AGBL3: variants seen among roughly 807,000 people sequenced by gnomAD.
AGBL3 encodes cytosolic carboxypeptidase 3.
Under a neutral mutation model 94.5 loss-of-function variants are expected in AGBL3, and 68 were observed. That is an observed-to-expected ratio of 0.72 (90% confidence interval 0.59 to 0.88). The LOEUF is 0.88. AGBL3 is among the 40% of genes least tolerant of loss of function. AGBL3 has a pLI of 0.00. For missense variants in AGBL3, 934 were observed against 1,103.8 expected, an observed-to-expected ratio of 0.85 and a Z score of 2.18; for synonymous variants, 354 against 370.7, an observed-to-expected ratio of 0.95 and a Z score of 0.52.
chr7:135,109,570 C>T (rs1825307110), intron 15 of AGBL3, among the ~76,000 whole-genome samples: 1 of 152,062 alleles, frequency 6.6e-6, no homozygotes, highest in African/African-American at 2.4e-5. Flanking sequence ...AAGGTACCAA[C>T]AATGAAGGTC....
intron 15 of AGBL3, among the ~76,000 whole-genome samples, chr7:135,086,017 G>T (rs149139122): frequency 6.6e-6 from 1 of 151,874 alleles, no homozygotes; most frequent in East Asian, 1.9e-4. Flanking sequence ...TTTTTCATCA[G>T]TGTTGTATAG....
chr7:135,082,008 C>T (rs1820960071), intron 15 of AGBL3, among the ~76,000 whole-genome samples: 1 of 152,158 alleles, frequency 6.6e-6, no homozygotes, highest in African/African-American at 2.4e-5. Context: ...CAGAGAGAAA[C>T]CTTGAGAATG....
At position 135,026,244 on chromosome 7, in the gene AGBL3, A is replaced by ATTTTATTTTATTTTATTTTATTTTAT. The variant is rs1554497686; in HGVS notation, c.419-6598_419-6597insTTATTTTATTTTATTTTATTTTATTT. Among the ~76,000 whole-genome samples the ATTTTATTTTATTTTATTTTATTTTAT allele has an allele frequency of 2.4e-3, 198 of 81,478 alleles. 5 individuals are homozygous for ATTTTATTTTATTTTATTTTATTTTAT. In the South Asian group the frequency reaches 0.028, roughly 12 times the overall value. 53.5% of individuals were successfully genotyped at this position (81,478 alleles called of 152,430 possible). On this transcript the variant is annotated intron_variant, in intron 5 of 16. Transcript: ENST00000436302. ...TGCAATAAAAATAGAAATGAATACC[A>ATTTTATTTTATTTTATTTTATTTTAT]TTATTTTATTTTATTTTATTTTATT...
chr7:135,087,978 T>A (rs1821462661), intron 15 of AGBL3, among the ~76,000 whole-genome samples: 1 of 152,114 alleles, frequency 6.6e-6, no homozygotes, highest in African/African-American at 2.4e-5. Flanking sequence ...TAATAATATT[T>A]GCTTTATGTT....
intron 16 of AGBL3, among the ~76,000 whole-genome samples, chr7:135,133,091 ACACACAC>A (rs1829018537): frequency 7.8e-6 from 1 of 127,692 alleles, no homozygotes; most frequent in Non-Finnish European, 1.7e-5. Flanking sequence ...ACACACACAC[ACACACAC>A]AACCTTTAGA....
At chr7:135,084,410 T>G (rs1821168931) in intron 15 of AGBL3, among the ~76,000 whole-genome samples, 1 of 152,150 alleles carries the variant, frequency 6.6e-6, no homozygotes, top group Non-Finnish European at 1.5e-5. Context: ...ATACTCACCC[T>G]ATAGTTCTAT....
chr7:135,067,259 C>T (rs533607729), intron 12 of AGBL3, among the ~76,000 whole-genome samples: 1 of 152,338 alleles, frequency 6.6e-6, no homozygotes, highest in Admixed American at 6.5e-5. Flanking sequence ...TGGGTTGAGC[C>T]CACCGCAGCT....
chr7:135,025,605 T>C (rs1469813235), intron 5 of AGBL3, among the ~76,000 whole-genome samples: 10 of 151,548 alleles, frequency 6.6e-5, no homozygotes, highest in Admixed American at 5.9e-4. Context: ...CAACACTGAA[T>C]GTAAATGGTC....
At chr7:135,035,047 C>T in intron 7 of AGBL3, 119 bp downstream of exon 7, 2 of 920,596 alleles carry the variant, frequency 2.2e-6, no homozygotes, top group South Asian at 5.3e-5. Flanking sequence ...TACTGTATAA[C>T]TACTTTATTT....
At chr7:135,005,781 C>T (rs560787487) in intron 4 of AGBL3, among the ~76,000 whole-genome samples, 7 of 151,826 alleles carry the variant, frequency 4.6e-5, no homozygotes, top group African/African-American at 1.7e-4. Flanking sequence ...GAAGTAGAAC[C>T]ACACAAATAT....
chr7:134,987,273 CAAG>C (rs1196761896), intron 1 of AGBL3, among the ~76,000 whole-genome samples: 2 of 152,126 alleles, frequency 1.3e-5, no homozygotes, highest in Non-Finnish European at 2.9e-5. Flanking sequence ...GGGAACTTGA[CAAG>C]AAATTTCGAT....
chr7:135,077,298 G>A (rs1037536142), intron 13 of AGBL3, among the ~76,000 whole-genome samples: 1 of 152,088 alleles, frequency 6.6e-6, no homozygotes, highest in Non-Finnish European at 1.5e-5. Flanking sequence ...AGCATTCTTG[G>A]GCTCTGCTTG....
At chr7:134,998,971 G>T (rs1811359812) in intron 4 of AGBL3, among the ~76,000 whole-genome samples, 2 of 152,172 alleles carry the variant, frequency 1.3e-5, no homozygotes, top group South Asian at 2.1e-4. Flanking sequence ...TGTTGAATGT[G>T]CATACACATG....
chr7:135,088,611 A>G (rs868722481), intron 15 of AGBL3, among the ~76,000 whole-genome samples: 1 of 152,118 alleles, frequency 6.6e-6, no homozygotes, highest in South Asian at 2.1e-4. Flanking sequence ...TCTATGACAG[A>G]CTTTATTTAT....
rs1563153394 is a variant in AGBL3 at position 134,986,595 on chromosome 7, CCGCGAGA to C, written c.-165_-159del. ...TTCTAGCGGCTGGATACCGGGTTCT[CCGCGAGA>C]TCGCGAGATCCCGAGATATTCTCCC... On this transcript the variant is annotated 5_prime_UTR_variant, in exon 1 of 17. Coordinates refer to ENST00000436302, the MANE Select transcript of AGBL3 (RefSeq NM_178563.4). 6.0e-5 allele frequency: 9 copies of C among 150,938 alleles called. No individual in the cohort carries two copies. The highest frequency in any genetic ancestry group is 2.2e-4 in the African/African-American group (9 of 41,220). 9.3% of individuals were successfully genotyped at this position (150,938 alleles called of 1,614,324 possible). A position where few individuals can be genotyped will look rare whatever the true frequency, so the allele number is the denominator to read the frequency against.
intron 12 of AGBL3, among the ~76,000 whole-genome samples, chr7:135,066,246 C>A (rs986462168): frequency 1.3e-5 from 2 of 152,112 alleles, no homozygotes; most frequent in Admixed American, 6.5e-5. Flanking sequence ...GGGGTAATCT[C>A]CAAAATTTTT....
chr7:135,011,043 TA>T (rs1321265545), intron 4 of AGBL3: 1 of 152,180 alleles, frequency 6.6e-6, no homozygotes, highest in African/African-American at 2.4e-5. Context: ...TACTAGCTCT[TA>T]AACCTTAATA....
At chr7:135,003,041 A>G (rs1320877904) in intron 4 of AGBL3, among the ~76,000 whole-genome samples, 1 of 152,010 alleles carries the variant, frequency 6.6e-6, no homozygotes, top group Non-Finnish European at 1.5e-5. Context: ...ATAAATTTGT[A>G]ATTTTTATGT....
Position 135,045,548 on chromosome 7 carries a change from G to C in AGBL3, c.1702G>C (p.Asp568His). The C allele has an allele frequency of 6.4e-7, 1 of 1,551,110 alleles. No individual in the cohort carries two copies. The highest frequency in any genetic ancestry group is 1.7e-4 in the Middle Eastern group (1 of 5,982). ...MGYHFCDSLL[D>H]YCDPDRTKYY... ...ATATCATTTTTGTGATTCTCTCTTGGATTATTGTGATCCCGACCGGACCAA... is the reference window on the plus strand; with the variant it reads ...ATATCATTTTTGTGATTCTCTCTTGCATTATTGTGATCCCGACCGGACCAA... Residue 568 changes from aspartate (D) to histidine (H), a missense_variant, in exon 10 of 17, where the codon GAT becomes CAT. Around this residue, in one of 3 missense-constraint regions of AGBL3, gnomAD observed 441 missense variants for 518.2 expected, o/e 0.85. Coordinates refer to ENST00000436302, the MANE Select transcript of AGBL3 (RefSeq NM_178563.4).
Sources: allele counts gnomAD v4.1 joint callset (sites outside exome capture counted in the v4.1 genomes callset), GRCh38; gene constraint gnomAD v4.1.1; regional missense constraint gnomAD v4.1.1; transcripts MANE v1.5; gene names NCBI Gene and HGNC (gene_info 2026-07-23, HGNC 2026-07-21).